ATRNL1: variants seen among roughly 807,000 people sequenced by gnomAD.
ATRNL1 encodes the protein attractin like 1.
In ATRNL1, 95 loss-of-function variants were observed where a neutral mutation model predicts 182.7. That is an observed-to-expected ratio of 0.52 (90% CI 0.44 to 0.62). ATRNL1 has a LOEUF of 0.62. Among genes scored for constraint, ATRNL1 ranks in the 20% least tolerant of loss-of-function variants. ATRNL1 has a pLI of 0.00. For synonymous variants in ATRNL1, 576 were observed against 568.3 expected, an observed-to-expected ratio of 1.01 and a Z score of -0.19; for missense variants, 1,471 against 1,679.5, an observed-to-expected ratio of 0.88 and a Z score of 2.17.
chr10:115,759,947 C>T (rs1948693758), intron 27 of ATRNL1, among the ~76,000 whole-genome samples: 1 of 149,238 alleles, frequency 6.7e-6, no homozygotes, highest in East Asian at 2.0e-4. Context: ...CCACTTCAGC[C>T]TCCCAAAGTG....
intron 26 of ATRNL1, among the ~76,000 whole-genome samples, chr10:115,712,196 T>C (rs1947082963): frequency 6.6e-6 from 1 of 152,192 alleles, no homozygotes; most frequent in African/African-American, 2.4e-5. Flanking sequence ...AAGCCTTCTG[T>C]GGGCCTGATT....
At chr10:115,591,429 T>C (rs2133918151) in intron 26 of ATRNL1, among the ~76,000 whole-genome samples, 1 of 152,194 alleles carries the variant, frequency 6.6e-6, no homozygotes, top group East Asian at 1.9e-4. Context: ...TGTAAGCAAA[T>C]CCTCTCGGAG....
intron 17 of ATRNL1, among the ~76,000 whole-genome samples, chr10:115,306,634 A>G (rs1464812035): frequency 6.6e-6 from 1 of 152,076 alleles, no homozygotes; most frequent in Non-Finnish European, 1.5e-5. Context: ...AATGTTGTGT[A>G]ATGTCTTAAA....
At chr10:115,770,915 T>C (rs2134165804) in intron 27 of ATRNL1, among the ~76,000 whole-genome samples, 1 of 152,308 alleles carries the variant, frequency 6.6e-6, no homozygotes, top group East Asian at 1.9e-4. Context: ...GTCAGGTGCT[T>C]TTAAAATATG....
At chr10:115,686,609 G>A (rs1946226269) in intron 26 of ATRNL1, among the ~76,000 whole-genome samples, 1 of 151,958 alleles carries the variant, frequency 6.6e-6, no homozygotes, top group South Asian at 2.1e-4. Flanking sequence ...ATTAATAGGT[G>A]CTCAGTTAGC....
chr10:115,276,515 T>C (rs1302847770), intron 13 of ATRNL1, among the ~76,000 whole-genome samples: 1 of 152,122 alleles, frequency 6.6e-6, no homozygotes, highest in Non-Finnish European at 1.5e-5. Flanking sequence ...GGTACTCACT[T>C]GTAATTTAGA....
chr10:115,486,153 C>A (rs973899578), intron 24 of ATRNL1, among the ~76,000 whole-genome samples: 1 of 152,202 alleles, frequency 6.6e-6, no homozygotes, highest in East Asian at 1.9e-4. Context: ...CATTGATGAG[C>A]ATTTGGGTTG....
chr10:115,604,785 C>T (rs782798717), intron 26 of ATRNL1, among the ~76,000 whole-genome samples: 2 of 152,262 alleles, frequency 1.3e-5, no homozygotes, highest in Admixed American at 6.5e-5. Flanking sequence ...GGAAGCAAGA[C>T]TTTCATAGAT....
At chr10:115,358,960 G>GT (rs1431579774) in intron 19 of ATRNL1, among the ~76,000 whole-genome samples, 1 of 151,536 alleles carries the variant, frequency 6.6e-6, no homozygotes, top group Non-Finnish European at 1.5e-5. Context: ...ATATTATATA[G>GT]TTTTTACTTC....
At chr10:115,470,698 G>A (rs1848267536) in intron 24 of ATRNL1, among the ~76,000 whole-genome samples, 1 of 150,340 alleles carries the variant, frequency 6.7e-6, no homozygotes, top group Non-Finnish European at 1.5e-5. Flanking sequence ...GTTTTTTTGA[G>A]AACTTACTCT....
chr10:115,763,517 G>C (rs535721868), intron 27 of ATRNL1, among the ~76,000 whole-genome samples: 1 of 152,274 alleles, frequency 6.6e-6, no homozygotes, highest in East Asian at 1.9e-4. Flanking sequence ...CCATTCAAGA[G>C]GGAACATGAT....
At chr10:115,526,942 G>A (rs1851246754) in intron 25 of ATRNL1, among the ~76,000 whole-genome samples, 2 of 152,008 alleles carry the variant, frequency 1.3e-5, no homozygotes, top group Admixed American at 1.3e-4. Flanking sequence ...CATCAAAGGA[G>A]TCTTCCATCT....
intron 26 of ATRNL1, among the ~76,000 whole-genome samples, chr10:115,603,225 C>G (rs1555016593): frequency 1.3e-5 from 2 of 152,126 alleles, no homozygotes; most frequent in Non-Finnish European, 2.9e-5. Context: ...ACTGAAAATT[C>G]CAAGCTAATG....
At chr10:115,821,306 T>A (rs981209315) in intron 27 of ATRNL1, among the ~76,000 whole-genome samples, 5 of 152,178 alleles carry the variant, frequency 3.3e-5, no homozygotes, top group Non-Finnish European at 1.5e-5. Context: ...GTCATTATGA[T>A]GCTAGCTGGT....
chr10:115,406,262 C>T (rs1454353760), intron 20 of ATRNL1, among the ~76,000 whole-genome samples: 9 of 152,104 alleles, frequency 5.9e-5, no homozygotes, highest in African/African-American at 1.4e-4. Context: ...CCTGAGGAAT[C>T]GCCACACTGA....
intron 9 of ATRNL1, among the ~76,000 whole-genome samples, chr10:115,224,798 A>G (rs983643962): frequency 1.3e-5 from 2 of 152,188 alleles, no homozygotes; most frequent in African/African-American, 4.8e-5. Flanking sequence ...ACATTGAAAT[A>G]ATCTTATGTC....
At chr10:115,728,986 T>C (rs1257539973) in intron 27 of ATRNL1, among the ~76,000 whole-genome samples, 2 of 152,072 alleles carry the variant, frequency 1.3e-5, no homozygotes, top group South Asian at 2.1e-4. Flanking sequence ...TCCCCATCTG[T>C]TTAAAACATT....
At chr10:115,764,801 G>A (rs1948817219) in intron 27 of ATRNL1, among the ~76,000 whole-genome samples, 1 of 152,048 alleles carries the variant, frequency 6.6e-6, no homozygotes, top group African/African-American at 2.4e-5. Context: ...AGCCTCCCAA[G>A]TAGCTGGATT....
At chr10:115,309,166 G>T (rs1275776806) in intron 17 of ATRNL1, among the ~76,000 whole-genome samples, 1 of 151,980 alleles carries the variant, frequency 6.6e-6, no homozygotes, top group Non-Finnish European at 1.5e-5. Context: ...ATGATGTTTT[G>T]ATTACTATAG....
Sources: gnomAD v4.1 joint callset for allele counts (sites outside exome capture counted in the v4.1 genomes callset) on GRCh38, gnomAD v4.1.1 for gene constraint, MANE v1.5 for transcripts, NCBI Gene and HGNC (gene_info 2026-07-23, HGNC 2026-07-21) for gene names.